ATE1: variants seen among roughly 807,000 people sequenced by gnomAD.
The protein encoded by ATE1 is arginyl-tRNA--protein transferase 1.
In ATE1, 36 loss-of-function variants were observed where a neutral mutation model predicts 70.5. That is an observed-to-expected ratio of 0.51 (90% CI 0.39 to 0.67). The LOEUF is 0.67. ATE1 is among the 30% of genes least tolerant of loss of function. The pLI, the probability that ATE1 is intolerant of heterozygous loss-of-function variation, is 0.00. For missense variants in ATE1, 593 were observed against 629.5 expected, an observed-to-expected ratio of 0.94 and a Z score of 0.62; for synonymous variants, 232 against 219.3, an observed-to-expected ratio of 1.06 and a Z score of -0.51.
intron 8 of ATE1, among the ~76,000 whole-genome samples, chr10:121,848,472 G>C (rs550962482): frequency 4.0e-5 from 6 of 151,602 alleles, no homozygotes; most frequent in Non-Finnish European, 8.8e-5. Context: ...CAAAAAAATA[G>C]CCAGGTGTGG....
chr10:121,823,517 A>C (rs577530018), intron 10 of ATE1, among the ~76,000 whole-genome samples: 199 of 152,316 alleles, frequency 1.3e-3, no homozygotes, highest in African/African-American at 4.6e-3. Context: ...GCAAGACAAC[A>C]CACAGAGCTT....
chr10:121,762,280 T>C (rs1945074242), intron 11 of ATE1, among the ~76,000 whole-genome samples: 1 of 152,186 alleles, frequency 6.6e-6, no homozygotes, highest in Non-Finnish European at 1.5e-5. Flanking sequence ...CGTAGTGTCC[T>C]TTTCTAGGTC....
intron 11 of ATE1, among the ~76,000 whole-genome samples, chr10:121,745,559 A>T (rs1944325910): frequency 6.6e-6 from 1 of 152,122 alleles, no homozygotes; most frequent in Admixed American, 6.5e-5. Flanking sequence ...TACTAAAAAA[A>T]AACCAAAAAA....
chr10:121,899,495 G>A (rs1400889942), intron 7 of ATE1, among the ~76,000 whole-genome samples: 1 of 152,048 alleles, frequency 6.6e-6, no homozygotes, highest in Non-Finnish European at 1.5e-5. Flanking sequence ...TTCAAATACA[G>A]ATAAAGCATT....
intron 11 of ATE1, among the ~76,000 whole-genome samples, chr10:121,767,881 C>T (rs77435918): frequency 6.2e-3 from 938 of 152,216 alleles, no homozygotes; most frequent in South Asian, 0.016. Flanking sequence ...GGAGTATATA[C>T]AAAAGAAATC....
intron 11 of ATE1, among the ~76,000 whole-genome samples, chr10:121,763,278 A>T (rs1945131646): frequency 6.6e-6 from 1 of 152,210 alleles, no homozygotes; most frequent in Admixed American, 6.5e-5. Context: ...AGATGAATTG[A>T]AAACTTATGT....
intron 7 of ATE1, among the ~76,000 whole-genome samples, chr10:121,885,721 G>A (rs1950373860): frequency 6.6e-6 from 1 of 151,946 alleles, no homozygotes; most frequent in Non-Finnish European, 1.5e-5. Flanking sequence ...CCAACATGGT[G>A]AAACCCTGTC....
chr10:121,852,904 T>C (rs1949108495), intron 8 of ATE1, among the ~76,000 whole-genome samples: 1 of 152,176 alleles, frequency 6.6e-6, no homozygotes. Context: ...ATAAGTTACT[T>C]AAAAATCAAG....
At chr10:121,774,405 A>G (rs763924473) in intron 11 of ATE1, among the ~76,000 whole-genome samples, 1 of 152,182 alleles carries the variant, frequency 6.6e-6, no homozygotes. Flanking sequence ...AAAATTAAGC[A>G]ATGTCATTAA....
intron 10 of ATE1, among the ~76,000 whole-genome samples, chr10:121,814,760 A>C (rs541834660): frequency 3.3e-5 from 5 of 152,228 alleles, no homozygotes; most frequent in Non-Finnish European, 7.3e-5. Context: ...TAACATCACC[A>C]GCAAAGTAGG....
At chr10:121,757,201 C>T (rs760489949) in intron 11 of ATE1, among the ~76,000 whole-genome samples, 13 of 152,170 alleles carry the variant, frequency 8.5e-5, no homozygotes, top group Non-Finnish European at 1.6e-4. Context: ...CAAGAGTCAC[C>T]TTTGCTCCAG....
At chr10:121,794,966 G>A (rs1053313372) in intron 10 of ATE1, among the ~76,000 whole-genome samples, 4 of 152,148 alleles carry the variant, frequency 2.6e-5, no homozygotes, top group Admixed American at 1.3e-4. Flanking sequence ...ACATTTAGTC[G>A]GCTGGGGGCG....
At chr10:121,845,481 C>T (rs1948782585) in intron 8 of ATE1, among the ~76,000 whole-genome samples, 2 of 152,140 alleles carry the variant, frequency 1.3e-5, no homozygotes, top group Non-Finnish European at 2.9e-5. Context: ...AACTATATTA[C>T]AAATGTATGA....
intron 11 of ATE1, among the ~76,000 whole-genome samples, chr10:121,757,562 C>T (rs1209496353): frequency 1.3e-5 from 2 of 152,180 alleles, no homozygotes; most frequent in African/African-American, 4.8e-5. Flanking sequence ...ACTGGGGAAG[C>T]CTCACAATCA....
chr10:121,841,256 G>C lies in ATE1; in HGVS notation c.983C>G (p.Thr328Ser), dbSNP rs761634153. The C allele has an allele frequency of 6.7e-7, 1 of 1,490,892 alleles. No homozygotes were observed. The highest frequency in any genetic ancestry group is 9.0e-7 in the Non-Finnish European group (1 of 1,113,436). 92.4% of individuals were successfully genotyped at this position (1,490,892 alleles called of 1,614,324 possible). Reference sequence around the variant, plus strand: ...GCCACAATCTGGCCCATTAGGGGGAGTCTCTGCCTAAGAAAAAGCAGAGGC... The same window carrying C: ...GCCACAATCTGGCCCATTAGGGGGACTCTCTGCCTAAGAAAAAGCAGAGGC... Reference protein sequence around the residue: ...FLCSSPLEAETPPNGPDCGYG... With the variant: ...FLCSSPLEAESPPNGPDCGYG... Residue 328 changes from threonine (T) to serine (S), a missense_variant, in exon 9 of 12, where the codon ACT becomes AGT. Physicochemically the swap from Thr to Ser is moderately conservative, Grantham distance 58. Transcript: ENST00000224652.
chr10:121,841,024 G>T, intron 9 of ATE1, 58 bp downstream of exon 9: 1 of 1,282,582 alleles, frequency 7.8e-7, no homozygotes, highest in South Asian at 2.3e-5. Flanking sequence ...ATAATCAAAT[G>T]AGTAATTATT....
At chr10:121,821,468 C>A (rs550322426) in intron 10 of ATE1, among the ~76,000 whole-genome samples, 2 of 152,320 alleles carry the variant, frequency 1.3e-5, no homozygotes, top group South Asian at 4.1e-4. Context: ...GAACTACAGA[C>A]AACTAAGACA....
At chr10:121,828,205 G>A (rs1019559684) in intron 10 of ATE1, among the ~76,000 whole-genome samples, 3 of 152,138 alleles carry the variant, frequency 2.0e-5, no homozygotes, top group Non-Finnish European at 2.9e-5. Context: ...CATCAGAAAC[G>A]TCTCAAATCC....
chr10:121,747,483 G>C (rs557384232), intron 11 of ATE1, among the ~76,000 whole-genome samples: 2 of 152,254 alleles, frequency 1.3e-5, no homozygotes, highest in African/African-American at 4.8e-5. Flanking sequence ...TCTGCTTTTT[G>C]GAAGCTGCTC....
Sources: allele counts gnomAD v4.1 joint callset (sites outside exome capture counted in the v4.1 genomes callset), GRCh38; gene constraint gnomAD v4.1.1; transcripts MANE v1.5; gene names NCBI Gene and HGNC (gene_info 2026-07-23, HGNC 2026-07-21).